Variants in ZNHIT1 observed in about 807,000 individuals in gnomAD.
The protein encoded by ZNHIT1 is zinc finger HIT domain-containing protein 1.
In ZNHIT1, 20 loss-of-function variants were observed where a neutral mutation model predicts 21.4. That is an observed-to-expected ratio of 0.93 (90% CI 0.66 to 1.36). The LOEUF (loss-of-function observed/expected upper bound fraction) is 1.36. Ranked by LOEUF, ZNHIT1 falls within the 40% of genes most tolerant of loss-of-function variation. The pLI is 0.00. For synonymous variants in ZNHIT1, 79 were observed against 84.0 expected (o/e 0.94, Z 0.32); for missense variants, 170 against 213.5 (o/e 0.80, Z 1.27).
rs1798416196 is a variant in ZNHIT1, at chr7:101,224,098, T to C, written c.*140T>C. 1 of 1,340,580 alleles carries C rather than the reference T, an allele frequency of 7.5e-7. No homozygotes were observed. The highest frequency in any genetic ancestry group is 1.0e-6 in the Non-Finnish European group (1 of 961,022). 83.0% of individuals were successfully genotyped at this position (1,340,580 alleles called of 1,614,324 possible). A position where few individuals can be genotyped will look rare whatever the true frequency, so the allele number is the denominator to read the frequency against. On this transcript the variant is annotated 3_prime_UTR_variant, in exon 5 of 5. Transcript: ENST00000305105. ...ATTCACCCAACAAAACTGTGTCTTA[T>C]CTGCCAGGAAAGACCAGCCTCACTC...
intron 2 of ZNHIT1, 143 bp downstream of exon 2, chr7:101,222,917 C>T: frequency 9.8e-7 from 1 of 1,023,032 alleles, no homozygotes; most frequent in Admixed American, 2.8e-5. Flanking sequence ...ACCACACCCC[C>T]TTTCTGTGCC....
rs781447148 is a variant in ZNHIT1 at position 101,223,678 on chromosome 7, G to A, written c.279G>A (p.Leu93=). The change falls in exon 4 of 5, where the codon TTG becomes TTA. Residue 93 remains leucine, a synonymous_variant. Transcript: ENST00000305105. ...NFQALLEEQN[L]SVAEGPNYLT... is the part of the protein sequence containing the mutation. ...CCGGCCCCTTGTCTCTGCAGAACTT[G>A]AGTGTGGCCGAGGGCCCTAACTACC... The A allele has an allele frequency of 8.7e-6, 14 of 1,610,374 alleles. No homozygotes were observed. Among genetic ancestry groups the A allele is most frequent in the Non-Finnish European group, 1.2e-5 (14 of 1,178,066 alleles).
In ZNHIT1 at chr7:101,224,160, T is replaced by C. The variant is rs1267413308; in HGVS notation, c.*202T>C. Reference sequence around the variant, plus strand: ...CTGGCAGGTAGGCTGGGCCCCCCAGTGCTGTTAGAATAAAAAGCCTCGTGC... The same window carrying C: ...CTGGCAGGTAGGCTGGGCCCCCCAGCGCTGTTAGAATAAAAAGCCTCGTGC... On this transcript the variant is annotated 3_prime_UTR_variant, in exon 5 of 5. Coordinates refer to ENST00000305105, the MANE Select transcript of ZNHIT1 (RefSeq NM_006349.3). 2.7e-6 allele frequency: 2 copies of C among 750,624 alleles called. No homozygotes were observed. The highest frequency in any genetic ancestry group is 4.3e-6 in the Non-Finnish European group (2 of 470,526). The allele number at this position is 750,624 out of a possible 1,614,324, so 46.5% of individuals were successfully genotyped here. A position where few individuals can be genotyped will look rare whatever the true frequency, so the allele number is the denominator to read the frequency against.
In ZNHIT1 at chr7:101,222,669, C is replaced by T. The variant is rs779713104; in HGVS notation, c.88C>T (p.Arg30Trp). Residue 30 changes from arginine (R) to tryptophan (W), a missense_variant, in exon 2 of 5, where the codon CGG (arginine) becomes TGG (tryptophan). Coordinates refer to ENST00000305105, the MANE Select transcript of ZNHIT1 (RefSeq NM_006349.3). ...DRAARQRRINRQLEALENDNF... is the reference protein window; with the variant it reads ...DRAARQRRINWQLEALENDNF... ...GGCTGCCCGGCAGCGTCGCATCAAC[C>T]GGCAGCTGGAGGCCCTGGAGAATGA... 1.1e-5 allele frequency: 18 copies of T among 1,614,030 alleles called. No homozygotes were observed. The East Asian group carries it at 1.3e-4, about 12-fold the overall frequency.
chr7:101,223,441 G>T, intron 2 of ZNHIT1, 36 bp from the exon 3 acceptor site: 2 of 1,611,354 alleles, frequency 1.2e-6, no homozygotes, highest in Non-Finnish European at 8.5e-7. Context: ...GTCTTTCTGG[G>T]CAAGTGCCAA....
intron 1 of ZNHIT1, 123 bp from the exon 2 acceptor site, chr7:101,222,481 A>T: frequency 2.6e-6 from 3 of 1,174,120 alleles, no homozygotes; most frequent in Non-Finnish European, 3.6e-6. Flanking sequence ...AGGGCTTGGC[A>T]ATGGGGATGA....
In ZNHIT1 at chr7:101,223,757, T is replaced by C; in HGVS notation, c.358T>C (p.Cys120Arg). 1 of 1,614,140 alleles carries C rather than the reference T, an allele frequency of 6.2e-7. No individual in the cohort carries two copies. ...SRPQRPFCAV[C>R]GFPSPYTCVS... The stretch of plus-strand genomic sequence containing the variant: ...GCCCCAGCGCCCCTTCTGTGCTGTC[T>C]GTGGCTTCCCATCCCCCTACACCTG... Residue 120 changes from cysteine to arginine, a missense_variant, in exon 4 of 5, where the codon TGT becomes CGT. Transcript: ENST00000305105.
chr7:101,219,408 C>G (rs890623756), intron 1 of ZNHIT1: 3 of 151,240 alleles, frequency 2.0e-5, no homozygotes, highest in African/African-American at 7.3e-5. Context: ...TGCGCTTGGC[C>G]CTTTTAGTTT....
At chr7:101,218,238 CG>C (rs1422590438) in intron 1 of ZNHIT1, 21 bp downstream of exon 1, 1 of 1,610,440 alleles carries the variant, frequency 6.2e-7, no homozygotes. Context: ...CCCCGCGGTT[CG>C]CCCCCTTCCC....
chr7:101,222,464 G>T, intron 1 of ZNHIT1, 140 bp from the exon 2 acceptor site: 1 of 1,008,610 alleles, frequency 9.9e-7, no homozygotes, highest in Non-Finnish European at 1.4e-6. Context: ...AGGAGACAAG[G>T]GGACCAAGGG....
intron 1 of ZNHIT1, chr7:101,220,379 C>T (rs1798351284): frequency 6.6e-6 from 1 of 152,048 alleles, no homozygotes; most frequent in Admixed American, 6.6e-5. Context: ...ACCTTGGCCT[C>T]CCAAAGTGCT....
Position 101,222,736 on chromosome 7 carries a change from G to GC in ZNHIT1, c.156dup (p.Lys53GlnfsTer7). ...CCCCACGCGGGACTCCCTCAGCTCG[G>GC]CAAGAGACTGCCTCAGTTTGATGAC... On this transcript the variant is annotated frameshift_variant, in exon 2 of 5. Transcript: ENST00000305105. LOFTEE classifies it high-confidence loss of function. 1 of 1,614,152 alleles carries GC rather than the reference G, an allele frequency of 6.2e-7. No individual in the cohort carries two copies.
chr7:101,222,166 T>G, intron 1 of ZNHIT1: 1 of 161,726 alleles, frequency 6.2e-6, no homozygotes, highest in Non-Finnish European at 1.3e-5. Context: ...TGGCATCACG[T>G]TTGTGGGTAG....
In ZNHIT1 at chr7:101,222,657, C is replaced by G. The variant is rs1190946883; in HGVS notation, c.76C>G (p.Arg26Gly). 1.2e-6 allele frequency: 2 copies of G among 1,614,034 alleles called. No individual in the cohort carries two copies. Among genetic ancestry groups the G allele is most frequent in the East Asian group, 2.2e-5 (1 of 44,884 alleles). ...GGTGCTGGACCGGGCTGCCCGGCAGCGTCGCATCAACCGGCAGCTGGAGGC... is the reference window on the plus strand; with the variant it reads ...GGTGCTGGACCGGGCTGCCCGGCAGGGTCGCATCAACCGGCAGCTGGAGGC... ...RRVLDRAARQ[R>G]RINRQLEALE... The change falls in exon 2 of 5, where the codon CGT (arginine) becomes GGT (glycine). Residue 26 changes from arginine (R) to glycine (G), a missense_variant. Coordinates refer to ENST00000305105, the MANE Select transcript of ZNHIT1 (RefSeq NM_006349.3).
In ZNHIT1 at chr7:101,222,636, C is replaced by A; in HGVS notation, c.55C>A (p.Leu19Met). Residue 19 changes from leucine (L) to methionine (M), a missense_variant, in exon 2 of 5, where the codon CTG becomes ATG. Physicochemically the swap from Leu to Met is conservative, Grantham distance 15. Transcript: ENST00000305105. ...CCAGGACCCCGGGCAGCGGCGGGTG[C>A]TGGACCGGGCTGCCCGGCAGCGTCG... ...RSQDPGQRRV[L>M]DRAARQRRIN... is the part of the protein sequence containing the mutation. 1 of 1,612,828 alleles carries A rather than the reference C, an allele frequency of 6.2e-7. No individual in the cohort carries two copies.
chr7:101,218,459 G>T (rs2116816642), intron 1 of ZNHIT1: 2 of 532,112 alleles, frequency 3.8e-6, no homozygotes, highest in South Asian at 2.7e-5. Context: ...TTGTTATGTG[G>T]TGACGGGCTC....
chr7:101,222,808 A>G (rs1380550174), intron 2 of ZNHIT1, 34 bp downstream of exon 2: 2 of 1,603,796 alleles, frequency 1.2e-6, no homozygotes, highest in South Asian at 1.1e-5. Flanking sequence ...GGGGGATGGG[A>G]CTGAGAGGAG....
Position 101,223,855 on chromosome 7 carries a change from C to T in ZNHIT1, c.443+13C>T. On this transcript the variant is annotated intron_variant, in intron 4 of 4. Transcript: ENST00000305105. Reference sequence around the variant, plus strand: ...ACCAGGAGACCAGGTGAGCATGAGACCTGCTGTCCACTCCCACTCCCTCCT... The same window carrying T: ...ACCAGGAGACCAGGTGAGCATGAGATCTGCTGTCCACTCCCACTCCCTCCT... 2 of 1,614,036 alleles carry T rather than the reference C, an allele frequency of 1.2e-6. No individual in the cohort carries two copies. The highest frequency in any genetic ancestry group is 1.7e-6 in the Non-Finnish European group (2 of 1,179,942).
intron 1 of ZNHIT1, chr7:101,221,325 G>A (rs1798366781): frequency 6.6e-6 from 1 of 151,430 alleles, no homozygotes; most frequent in Non-Finnish European, 1.5e-5. Flanking sequence ...CCGGGCCCAT[G>A]TAGTCCTCCC....
Sources: allele counts gnomAD v4.1 joint callset, GRCh38; gene constraint gnomAD v4.1.1; transcripts MANE v1.5; gene names NCBI Gene and HGNC (gene_info 2026-07-23, HGNC 2026-07-21).